CDK19: variants seen among roughly 807,000 people sequenced by gnomAD.
The protein encoded by CDK19 is cyclin-dependent kinase 19.
In CDK19, 20 loss-of-function variants were observed where a neutral mutation model predicts 68.3. The observed-to-expected ratio is 0.29, with a 90% confidence interval of 0.21 to 0.43. The LOEUF is 0.43. Among genes scored for constraint, CDK19 ranks in the 20% least tolerant of loss-of-function variants. The pLI is 1.00. For synonymous variants in CDK19, 221 were observed against 222.8 expected (o/e 0.99, Z 0.07); for missense variants, 339 against 623.5 (o/e 0.54, Z 4.86).
At chr6:110,774,129 T>C (rs1459835262) in intron 1 of CDK19, among the ~76,000 whole-genome samples, 2 of 152,218 alleles carry the variant, frequency 1.3e-5, no homozygotes, top group African/African-American at 4.8e-5. Context: ...ATGCAGCTTA[T>C]TGTATGAAAA....
intron 1 of CDK19, among the ~76,000 whole-genome samples, chr6:110,765,770 T>C (rs1359577753): frequency 1.3e-5 from 2 of 150,990 alleles, no homozygotes; most frequent in East Asian, 3.9e-4. Context: ...AACACCCAAA[T>C]CCAATTAAAA....
chr6:110,644,019 C>A lies in CDK19; in HGVS notation c.457-5313G>T, dbSNP rs181372122. Among the ~76,000 whole-genome samples, 217 of 151,946 alleles carry A rather than the reference C, an allele frequency of 1.4e-3. 2 individuals carry two copies. In the South Asian group the frequency reaches 0.018, roughly 13 times the overall value. On this transcript the variant is annotated intron_variant, in intron 4 of 12. Transcript: ENST00000368911. ...TTAAAAATTAAAACAATTGGCCAGG[C>A]GCAGTGGCTCATACCTGTAATCCCA... is the stretch of plus-strand genomic sequence containing the variant.
intron 8 of CDK19, among the ~76,000 whole-genome samples, chr6:110,624,234 G>C (rs1217732802): frequency 6.6e-6 from 1 of 152,006 alleles, no homozygotes; most frequent in Admixed American, 6.6e-5. Context: ...TACCCTCTGG[G>C]AGGGATGTGG....
chr6:110,757,836 T>C (rs1778937935), intron 1 of CDK19, among the ~76,000 whole-genome samples: 1 of 152,188 alleles, frequency 6.6e-6, no homozygotes, highest in Non-Finnish European at 1.5e-5. Flanking sequence ...TTTCTGCTTT[T>C]ACAGAACTTT....
chr6:110,805,802 T>C (rs1027934757), intron 1 of CDK19, among the ~76,000 whole-genome samples: 4 of 152,114 alleles, frequency 2.6e-5, no homozygotes, highest in Admixed American at 6.6e-5. Flanking sequence ...AACACTGACA[T>C]AGATTGCATT....
intron 1 of CDK19, among the ~76,000 whole-genome samples, chr6:110,777,067 T>G (rs1205005332): frequency 6.6e-6 from 1 of 152,210 alleles, no homozygotes; most frequent in Non-Finnish European, 1.5e-5. Flanking sequence ...GAAATTAAAA[T>G]CATACAAACC....
At chr6:110,801,364 G>A (rs1782334601) in intron 1 of CDK19, among the ~76,000 whole-genome samples, 1 of 152,008 alleles carries the variant, frequency 6.6e-6, no homozygotes, top group African/African-American at 2.4e-5. Context: ...GTACGCCTGT[G>A]GTCCCAGCTA....
chr6:110,762,756 G>A (rs957624691), intron 1 of CDK19, among the ~76,000 whole-genome samples: 1 of 152,052 alleles, frequency 6.6e-6, no homozygotes, highest in Non-Finnish European at 1.5e-5. Flanking sequence ...AGAATACTTG[G>A]GAAGAGATAC....
intron 2 of CDK19, among the ~76,000 whole-genome samples, chr6:110,704,744 C>A (rs549280148): frequency 6.6e-6 from 1 of 152,002 alleles, no homozygotes; most frequent in African/African-American, 2.4e-5. Flanking sequence ...ATGTGTTCTA[C>A]AACTATATAG....
intron 2 of CDK19, among the ~76,000 whole-genome samples, chr6:110,725,115 C>T (rs893764530): frequency 6.6e-6 from 1 of 152,104 alleles, no homozygotes; most frequent in African/African-American, 2.4e-5. Flanking sequence ...AATTAAAGTA[C>T]ATTAAATCTC....
At chr6:110,700,438 C>CT (rs142943083) in intron 2 of CDK19, 7,589 of 148,936 alleles carry the variant, frequency 0.051, 193 homozygotes, top group Middle Eastern at 0.082. Context: ...TAAAATTCAG[C>CT]TTTTTTTTTT....
chr6:110,804,655 A>C (rs1289187217), intron 1 of CDK19, among the ~76,000 whole-genome samples: 2 of 147,654 alleles, frequency 1.4e-5, no homozygotes, highest in African/African-American at 4.9e-5. Flanking sequence ...CAAGTTAAAG[A>C]TATTTTATAA....
chr6:110,614,737 A>G, intron 12 of CDK19, 71 bp from the exon 13 acceptor site: 1 of 1,517,702 alleles, frequency 6.6e-7, no homozygotes, highest in Middle Eastern at 1.7e-4. Context: ...TCATCACAGT[A>G]GGATAGAGAT....
chr6:110,749,752 C>T (rs559546775), intron 1 of CDK19, among the ~76,000 whole-genome samples: 1 of 152,140 alleles, frequency 6.6e-6, no homozygotes, highest in African/African-American at 2.4e-5. Flanking sequence ...CATTATTTTG[C>T]CTCATCATAT....
chr6:110,643,836 C>T (rs1780359643), intron 4 of CDK19, among the ~76,000 whole-genome samples: 1 of 152,026 alleles, frequency 6.6e-6, no homozygotes, highest in African/African-American at 2.4e-5. Flanking sequence ...CAGCACTTTG[C>T]AAAGCTGTGG....
intron 10 of CDK19, among the ~76,000 whole-genome samples, chr6:110,622,430 G>A (rs1042943282): frequency 6.6e-6 from 1 of 152,148 alleles, no homozygotes; most frequent in African/African-American, 2.4e-5. Flanking sequence ...AAAACACAAA[G>A]TCTATACTTG....
intron 2 of CDK19, among the ~76,000 whole-genome samples, chr6:110,745,572 C>T (rs1778020537): frequency 6.6e-6 from 1 of 151,954 alleles, no homozygotes; most frequent in African/African-American, 2.4e-5. Flanking sequence ...AATAAAATTC[C>T]ATCACAATTT....
At chr6:110,772,933 T>C (rs899886191) in intron 1 of CDK19, among the ~76,000 whole-genome samples, 5 of 147,596 alleles carry the variant, frequency 3.4e-5, no homozygotes, top group Non-Finnish European at 6.0e-5. Flanking sequence ...AAGGTCTCCA[T>C]AGCAGGGCGT....
chr6:110,638,845 T>C lies in CDK19; in HGVS notation c.457-139A>G, dbSNP rs6923041. On this transcript the variant is annotated intron_variant, in intron 4 of 12. Coordinates refer to ENST00000368911, the MANE Select transcript of CDK19 (RefSeq NM_015076.5). Reference sequence around the variant, plus strand: ...AATCAAATATTAAGCACCCTCTACATAGTTAAAGCATTTGACATAATTGAA... The same window carrying C: ...AATCAAATATTAAGCACCCTCTACACAGTTAAAGCATTTGACATAATTGAA... 6.8e-3 allele frequency: 3,855 copies of C among 568,910 alleles called. 123 individuals carry two copies. The African/African-American group carries it at 0.068, about 10-fold the overall frequency. The allele number at this position is 568,910 out of a possible 1,614,324, so 35.2% of individuals were successfully genotyped here.
Sources: gnomAD v4.1 joint callset for allele counts (sites outside exome capture counted in the v4.1 genomes callset) on GRCh38, gnomAD v4.1.1 for gene constraint, MANE v1.5 for transcripts, NCBI Gene and HGNC (gene_info 2026-07-23, HGNC 2026-07-21) for gene names.